Variants in OLFML2B observed in about 807,000 individuals in gnomAD.
The protein encoded by OLFML2B is olfactomedin like 2B.
OLFML2B carries 57 observed loss-of-function variants against 74.9 expected under a neutral mutation model. The ratio of observed to expected loss-of-function variants is 0.76; its 90% CI spans 0.61 to 0.95. The LOEUF (loss-of-function observed/expected upper bound fraction) is 0.95, where lower values mean the gene tolerates loss of function less well. Among genes scored for constraint, OLFML2B ranks in the 40% least tolerant of loss-of-function variants. The pLI is 0.00. For synonymous variants in OLFML2B, 388 were observed against 405.8 expected, an observed-to-expected ratio of 0.96 and a Z score of 0.53; for missense variants, 986 against 970.6, an observed-to-expected ratio of 1.02 and a Z score of -0.21.
At chr1:162,019,312 TG>T (rs1245284297) in intron 2 of OLFML2B, among the ~76,000 whole-genome samples, 1 of 152,220 alleles carries the variant, frequency 6.6e-6, no homozygotes, top group Non-Finnish European at 1.5e-5. Context: ...GGGATCACAC[TG>T]CTATGATTTG....
rs1484354357 is a variant in OLFML2B, at chr1:161,998,346, T to C, written c.953A>G (p.Asp318Gly). ...TCCATTGTCACCGCTGAAAAACTCA[T>C]CTTCTGTGAAACAAACACAAGGTTC... Reference protein sequence around the residue: ...EEENDIEEQQDEFFSGDNGVD... With the variant: ...EEENDIEEQQGEFFSGDNGVD... Residue 318 changes from aspartate to glycine, a missense_variant, in exon 6 of 8, where the codon GAT (aspartate) becomes GGT (glycine). Physicochemically the swap from Asp to Gly is moderately conservative, Grantham distance 94 (BLOSUM62 -1). Transcript: ENST00000294794. 6.5e-7 allele frequency: 1 copy of C among 1,546,292 alleles called. No individual in the cohort carries two copies. Among genetic ancestry groups the C allele is most frequent in the Non-Finnish European group, 8.8e-7 (1 of 1,141,916 alleles).
At chr1:162,021,302 CT>C (rs1254372116) in intron 1 of OLFML2B, among the ~76,000 whole-genome samples, 1 of 152,260 alleles carries the variant, frequency 6.6e-6, no homozygotes, top group East Asian at 1.9e-4. Flanking sequence ...GCACTTGCTG[CT>C]TTTGCAATGC....
intron 6 of OLFML2B, 112 bp downstream of exon 6, chr1:161,997,713 T>C: frequency 8.7e-7 from 1 of 1,144,786 alleles, no homozygotes; most frequent in Non-Finnish European, 1.2e-6. Flanking sequence ...CACTTGCCAT[T>C]CCCATAAAGA....
In OLFML2B at chr1:162,020,019, G is replaced by C; in HGVS notation, c.338C>G (p.Ser113Trp). Residue 113 changes from serine to tryptophan, a missense_variant, in exon 2 of 8, where the codon TCG becomes TGG. By Grantham distance (177) the Ser-to-Trp change is radical (BLOSUM62 -3). Transcript: ENST00000294794. The stretch of plus-strand genomic sequence containing the variant: ...GGGTGCTACACAGGCACACTTGCAC[G>C]ACGAGCCTGAGGTGATGGTTTCCAC... ...YTVETITSGS[S>W]CKCACVAPPS... is the part of the protein sequence containing the mutation. 1 of 1,614,190 alleles carries C rather than the reference G, an allele frequency of 6.2e-7. No homozygotes were observed. Among genetic ancestry groups the C allele is most frequent in the South Asian group, 1.1e-5 (1 of 91,086 alleles).
At chr1:161,986,507 T>C (rs1365122792) in intron 6 of OLFML2B, among the ~76,000 whole-genome samples, 1 of 152,170 alleles carries the variant, frequency 6.6e-6, no homozygotes, top group African/African-American at 2.4e-5. Flanking sequence ...GGCAGCTCAG[T>C]GTGGGGTTTA....
rs753781047 is a variant in OLFML2B, at chr1:161,998,071, G to A, written c.1228C>T (p.Leu410=). 6 of 1,614,016 alleles carry A rather than the reference G, an allele frequency of 3.7e-6. No homozygotes were observed. The highest frequency in any genetic ancestry group is 1.3e-5 in the African/African-American group (1 of 75,054). ...VSPDPTRESV[L]QPSPQVPATT... ...GCTGGTACCTGAGGAGAAGGCTGCA[G>A]GACTGACTCCCTTGTGGGATCTGGA... is the stretch of plus-strand genomic sequence containing the variant. Residue 410 remains leucine, a synonymous_variant, in exon 6 of 8, where the codon CTG becomes TTG. Coordinates refer to ENST00000294794, the MANE Select transcript of OLFML2B (RefSeq NM_015441.3).
intron 6 of OLFML2B, among the ~76,000 whole-genome samples, chr1:161,996,139 A>G (rs962725064): frequency 5.3e-5 from 8 of 152,140 alleles, no homozygotes; most frequent in African/African-American, 1.9e-4. Context: ...CCTGGGGTCC[A>G]TTTCTATGGG....
chr1:161,990,502 CAT>C (rs1388019952), intron 6 of OLFML2B, among the ~76,000 whole-genome samples: 4 of 152,138 alleles, frequency 2.6e-5, no homozygotes, highest in African/African-American at 9.7e-5. Flanking sequence ...GGTTCAATAA[CAT>C]TATGTCTAAA....
rs769438780 is a variant in OLFML2B at position 162,020,141 on chromosome 1, G to A, written c.216C>T (p.Gly72=). Residue 72 remains glycine, a synonymous_variant, in exon 2 of 8, where the codon GGC becomes GGT. Coordinates refer to ENST00000294794, the MANE Select transcript of OLFML2B (RefSeq NM_015441.3). The part of the protein sequence containing the change: ...DYDKVKAMSE[G]SDCQCKCVVR... Reference sequence around the variant, plus strand: ...CCACACACTTGCACTGACAGTCCGAGCCCTCAGACATAGCCTTGACCTTGT... The same window carrying A: ...CCACACACTTGCACTGACAGTCCGAACCCTCAGACATAGCCTTGACCTTGT... The A allele has an allele frequency of 1.2e-6, 2 of 1,614,178 alleles. No homozygotes were observed. Among genetic ancestry groups the A allele is most frequent in the Non-Finnish European group, 1.7e-6 (2 of 1,180,036 alleles).
In OLFML2B at chr1:162,023,709, A is replaced by G. The variant is rs1690808728; in HGVS notation, c.-279T>C. ...GAGAAGGTGGAGGCGGGCACGGGCT[A>G]GCTGAGCGAGTCGCCCGCAGGAGGG... On this transcript the variant is annotated 5_prime_UTR_variant, in exon 1 of 8. Coordinates refer to ENST00000294794, the MANE Select transcript of OLFML2B (RefSeq NM_015441.3). 2 of 249,936 alleles carry G rather than the reference A, an allele frequency of 8.0e-6. No homozygotes were observed. Among genetic ancestry groups the G allele is most frequent in the Non-Finnish European group, 1.5e-5 (2 of 131,882 alleles). 15.5% of individuals were successfully genotyped at this position (249,936 alleles called of 1,614,324 possible). A position where few individuals can be genotyped will look rare whatever the true frequency, so the allele number is the denominator to read the frequency against.
rs754909399 is a variant in OLFML2B at position 162,006,278 on chromosome 1, T to C, written c.723+19A>G. ...TTCCAGGGCTTGTGATCAGAGGCCC[T>C]TGGAGGCTGGGGCTATACCTCTGGG... is the stretch of plus-strand genomic sequence containing the variant. On this transcript the variant is annotated intron_variant, in intron 4 of 7. Transcript: ENST00000294794. 1.3e-6 allele frequency: 2 copies of C among 1,536,786 alleles called. No homozygotes were observed. Among genetic ancestry groups the C allele is most frequent in the South Asian group, 2.5e-5 (2 of 78,464 alleles).
At chr1:161,992,595 C>T (rs2101951199) in intron 6 of OLFML2B, among the ~76,000 whole-genome samples, 1 of 152,314 alleles carries the variant, frequency 6.6e-6, no homozygotes, top group Admixed American at 6.5e-5. Context: ...TTCTTCCTTT[C>T]ACCTAAACAC....
intron 6 of OLFML2B, among the ~76,000 whole-genome samples, chr1:161,992,698 G>A (rs773995788): frequency 2.6e-5 from 4 of 152,150 alleles, no homozygotes. Context: ...GAGAGACCAG[G>A]GAATGCCAGT....
At chr1:161,992,947 C>A (rs991206105) in intron 6 of OLFML2B, among the ~76,000 whole-genome samples, 1 of 132,668 alleles carries the variant, frequency 7.5e-6, no homozygotes, top group Non-Finnish European at 1.7e-5. Flanking sequence ...CACAGCGTTG[C>A]CACAAAGCTT....
rs145404492 is a variant in OLFML2B, at chr1:161,999,021, C to T, written c.950-672G>A. On this transcript the variant is annotated intron_variant, in intron 5 of 7. Transcript: ENST00000294794. ...CATGCGTGCAGCGGCCCAGGAGCAG[C>T]GAGGTGGCCAGCATGACTGAAGCAG... Among the ~76,000 whole-genome samples the T allele has an allele frequency of 2.8e-3, 427 of 152,180 alleles. 3 individuals are homozygous for T. Among genetic ancestry groups the T allele is most frequent in the African/African-American group, 9.7e-3 (404 of 41,522 alleles).
intron 3 of OLFML2B, among the ~76,000 whole-genome samples, chr1:162,010,448 C>T (rs1024133219): frequency 3.3e-5 from 5 of 152,234 alleles, no homozygotes; most frequent in East Asian, 1.9e-4. Flanking sequence ...AAAGGGGAAC[C>T]GGATGCAGGT....
At chr1:161,987,063 T>C (rs1228411756) in intron 6 of OLFML2B, among the ~76,000 whole-genome samples, 2 of 152,254 alleles carry the variant, frequency 1.3e-5, no homozygotes, top group East Asian at 3.8e-4. Context: ...TGCTGGGCTA[T>C]AGATGTGCCC....
In OLFML2B at chr1:161,991,236, T is replaced by A. The variant is rs1298711923; in HGVS notation, c.1475-6256A>T. On this transcript the variant is annotated intron_variant, in intron 6 of 7. Transcript: ENST00000294794. ...TTTCAATTTACTTTGCCCAGATCCATCAGAGGAATCATTATCTATGGCAGC... is the reference window on the plus strand; with the variant it reads ...TTTCAATTTACTTTGCCCAGATCCAACAGAGGAATCATTATCTATGGCAGC... 5.9e-5 allele frequency among the ~76,000 whole-genome samples: 9 copies of A among 152,336 alleles called. No individual in the cohort carries two copies. The East Asian group carries it at 1.7e-3, about 29-fold the overall frequency.
chr1:161,984,397 G>T, intron 7 of OLFML2B, 121 bp from the exon 8 acceptor site: 1 of 1,330,792 alleles, frequency 7.5e-7, no homozygotes, highest in Non-Finnish European at 1.0e-6. Context: ...TCTTGGCTCT[G>T]CCACTTTCTA....
Sources: gnomAD v4.1 joint callset for allele counts (sites outside exome capture counted in the v4.1 genomes callset) on GRCh38, gnomAD v4.1.1 for gene constraint, MANE v1.5 for transcripts, NCBI Gene and HGNC (gene_info 2026-07-23, HGNC 2026-07-21) for gene names.